Variants in RP1 observed in about 807,000 individuals in gnomAD.
The protein encoded by RP1 is oxygen-regulated protein 1.
In RP1, 16 loss-of-function variants were observed where a neutral mutation model predicts 14.8. The observed-to-expected ratio is 1.08, with a 90% CI of 0.73 to 1.65. The LOEUF (loss-of-function observed/expected upper bound fraction) is 1.65. Among genes scored for constraint, RP1 ranks in the 40% most tolerant of loss-of-function variants. The pLI is 0.00. For synonymous variants in RP1, 876 were observed against 883.6 expected, an observed-to-expected ratio of 0.99 and a Z score of 0.15; for missense variants, 2,631 against 2,535.0, an observed-to-expected ratio of 1.04 and a Z score of -0.81.
intron 24 of RP1, among the ~76,000 whole-genome samples, chr8:54,819,261 T>C (rs1811201268): frequency 6.6e-6 from 1 of 152,020 alleles, no homozygotes; most frequent in Admixed American, 6.6e-5. Context: ...TGATGCATTT[T>C]TCAGTATGCC....
At chr8:54,828,892 T>C (rs1811453869) in intron 24 of RP1, among the ~76,000 whole-genome samples, 3 of 60,114 alleles carry the variant, frequency 5.0e-5, no homozygotes, top group African/African-American at 1.1e-4. Context: ...CTTTTTTTTT[T>C]TTTTTTTTTT....
downstream of RP1, among the ~76,000 whole-genome samples, chr8:54,770,574 C>T (rs1347227473): frequency 2.8e-5 from 4 of 144,576 alleles, no homozygotes; most frequent in South Asian, 2.3e-4. Context: ...TTTGAGATAA[C>T]GTAAAAGAAA....
At chr8:54,633,737 C>CTCTCTATA (rs1236298691), downstream of RP1, among the ~76,000 whole-genome samples, 917 of 118,740 alleles carry the variant, frequency 7.7e-3, 6 homozygotes, top group South Asian at 0.035. Context: ...CTCTCTCTCT[C>CTCTCTATA]TATATATATA....
At chr8:54,669,123 AC>A (rs1304114704) in intron 7 of RP1, among the ~76,000 whole-genome samples, 7 of 152,152 alleles carry the variant, frequency 4.6e-5, no homozygotes, top group East Asian at 1.9e-4. Flanking sequence ...TTTGCAATCT[AC>A]CCATCTGACA....
intron 27 of RP1, among the ~76,000 whole-genome samples, chr8:54,862,018 C>T (rs936354257): frequency 2.6e-5 from 4 of 152,090 alleles, no homozygotes; most frequent in Non-Finnish European, 4.4e-5. Flanking sequence ...TTTTGGTTGT[C>T]ACAGCTGGTA....
intron 16 of RP1, among the ~76,000 whole-genome samples, chr8:54,723,578 A>T (rs1184339829): frequency 6.6e-6 from 1 of 152,204 alleles, no homozygotes; most frequent in Admixed American, 6.5e-5. Flanking sequence ...GTGTGAAAAG[A>T]TCTGACCCCT....
At chr8:54,682,820 A>AT (rs1387346969) in intron 12 of RP1, among the ~76,000 whole-genome samples, 2 of 151,454 alleles carry the variant, frequency 1.3e-5, no homozygotes, top group Non-Finnish European at 2.9e-5. Context: ...CCATTTGTCA[A>AT]TTTTTTCTTT....
At chr8:54,806,999 C>A (rs1349505323) in intron 24 of RP1, among the ~76,000 whole-genome samples, 1 of 152,184 alleles carries the variant, frequency 6.6e-6, no homozygotes, top group Non-Finnish European at 1.5e-5. Flanking sequence ...CAGGCACGTT[C>A]TAGGTGACAG....
chr8:54,638,806 A>G lies in RP1; in HGVS notation c.788-10179A>G, dbSNP rs1293857916. Among the ~76,000 whole-genome samples, 3 of 151,434 alleles carry G rather than the reference A, an allele frequency of 2.0e-5. No homozygotes were observed. The East Asian group carries it at 5.8e-4, about 29-fold the overall frequency. The stretch of plus-strand genomic sequence containing the variant: ...TTTCCCCTCCGTTTTTTGTTCTTTC[A>G]TTTTAAAATTTCTATTATGAATATT... On this transcript the variant is annotated intron_variant, in intron 3 of 22. Transcript: ENST00000636932.
chr8:54,651,479 G>A lies in RP1; in HGVS notation c.952-1301G>A, dbSNP rs1293745606. On this transcript the variant is annotated intron_variant, in intron 4 of 22. Transcript: ENST00000636932. ...GTCTATTCATATTTTTTATTTCTTC[G>A]AGTCACTTTTGGTGGTCTGTGTGTT... Among the ~76,000 whole-genome samples, 6 of 150,906 alleles carry A rather than the reference G, an allele frequency of 4.0e-5. No individual in the cohort carries two copies. In the South Asian group the frequency reaches 6.3e-4, roughly 16 times the overall value.
intron 12 of RP1, among the ~76,000 whole-genome samples, chr8:54,687,392 T>C (rs574177199): frequency 6.6e-6 from 1 of 152,272 alleles, no homozygotes; most frequent in Admixed American, 6.5e-5. Flanking sequence ...ACACATGCCA[T>C]AGTGGTTTGC....
intron 24 of RP1, among the ~76,000 whole-genome samples, chr8:54,787,999 A>G (rs1810367719): frequency 1.3e-5 from 2 of 152,250 alleles, no homozygotes; most frequent in Admixed American, 6.5e-5. Flanking sequence ...AGAGTTAAAC[A>G]TCAATGCACT....
At chr8:54,857,151 G>A (rs1185591176) in intron 27 of RP1, 1 of 834,762 alleles carries the variant, frequency 1.2e-6, no homozygotes, top group East Asian at 3.4e-5. Flanking sequence ...GCAAATTTAT[G>A]AAAAATCGTA....
chr8:54,825,936 C>T (rs973455867), intron 24 of RP1, among the ~76,000 whole-genome samples: 7 of 151,938 alleles, frequency 4.6e-5, no homozygotes, highest in Non-Finnish European at 2.9e-5. Context: ...GGTGCAATGG[C>T]TTGCACCTGT....
chr8:54,829,366 A>T lies in RP1; in HGVS notation c.3616-8084A>T, dbSNP rs139523209. 7.2e-5 allele frequency among the ~76,000 whole-genome samples: 11 copies of T among 152,364 alleles called. No individual in the cohort carries two copies. In the East Asian group the frequency reaches 2.1e-3, roughly 29 times the overall value. On this transcript the variant is annotated intron_variant, in intron 24 of 28. Transcript: ENST00000637698. ...ATGGGAACTTTGGGAAATAGAGCAT[A>T]TATTTTTAAAAATACGGTTTGTTGA...
intron 8 of RP1, among the ~76,000 whole-genome samples, chr8:54,676,660 C>A (rs559902632): frequency 6.6e-6 from 1 of 152,296 alleles, no homozygotes; most frequent in Non-Finnish European, 1.5e-5. Flanking sequence ...AGGAACCCAT[C>A]TTTTCTAGTT....
chr8:54,741,728 T>TATA (rs1222534952), intron 19 of RP1, among the ~76,000 whole-genome samples: 1 of 133,710 alleles, frequency 7.5e-6, no homozygotes, highest in Non-Finnish European at 1.6e-5. Context: ...TATATATATA[T>TATA]ATATATATAT....
downstream of RP1, among the ~76,000 whole-genome samples, chr8:54,771,472 C>T (rs1042798504): frequency 5.3e-5 from 8 of 151,992 alleles, no homozygotes; most frequent in Admixed American, 5.2e-4. Context: ...CATGAAGTTG[C>T]AATGTACAGG....
exon 22 of RP1, chr8:54,759,013 A>G (rs867681244): frequency 1.3e-6 from 2 of 1,535,852 alleles, no homozygotes; most frequent in Non-Finnish European, 1.7e-6. Flanking sequence ...CAGTACTGGT[A>G]CTGTGAACAA....
Sources: allele counts gnomAD v4.1 joint callset (sites outside exome capture counted in the v4.1 genomes callset), GRCh38; gene constraint gnomAD v4.1.1; transcripts MANE v1.5; gene names NCBI Gene and HGNC (gene_info 2026-07-23, HGNC 2026-07-21).